CAMK2A: variants seen among roughly 807,000 people sequenced by gnomAD.
CAMK2A encodes the protein calcium/calmodulin dependent protein kinase II alpha, also known as calcium/calmodulin-dependent protein kinase type II subunit alpha.
CAMK2A carries 7 observed loss-of-function variants against 79.2 expected under a neutral mutation model. That is an observed-to-expected ratio of 0.09 (90% confidence interval 0.05 to 0.17). CAMK2A has a LOEUF of 0.17. Ranked by LOEUF, CAMK2A falls within the 10% of genes least tolerant of loss-of-function variation. CAMK2A has a pLI of 1.00. For missense variants in CAMK2A, 214 were observed against 646.4 expected (o/e 0.33, Z 7.25); for synonymous variants, 242 against 251.7 (o/e 0.96, Z 0.36).
At chr5:150,247,965 C>T (rs1755648092) in intron 11 of CAMK2A, 151 bp from the exon 12 acceptor site, 1 of 659,304 alleles carries the variant, frequency 1.5e-6, no homozygotes, top group Admixed American at 2.5e-5. Context: ...CCATTTGTCC[C>T]AACCCCAACC....
At position 150,256,162 on chromosome 5, in the gene CAMK2A, C is replaced by A. The variant is rs1274161520; in HGVS notation, c.411+411G>T. Reference sequence around the variant, plus strand: ...ATCTCATTTCATATCCTCACCAACCCTTTGCAGAGGTTGCTATGGCAACCC... The same window carrying A: ...ATCTCATTTCATATCCTCACCAACCATTTGCAGAGGTTGCTATGGCAACCC... On this transcript the variant is annotated intron_variant, in intron 6 of 18. Transcript: ENST00000671881. The surrounding 1 kb of genome is among the most constrained non-coding windows in gnomAD (Gnocchi z 4.6). 6.6e-6 allele frequency among the ~76,000 whole-genome samples: 1 copy of A among 152,210 alleles called. No individual in the cohort carries two copies. Among genetic ancestry groups the A allele is most frequent in the Non-Finnish European group, 1.5e-5 (1 of 68,044 alleles).
chr5:150,275,035 G>A (rs1562196287), intron 1 of CAMK2A, among the ~76,000 whole-genome samples: 1 of 152,260 alleles, frequency 6.6e-6, no homozygotes, highest in African/African-American at 2.4e-5. Context: ...GGTATCACTG[G>A]CTTCATGTCT....
chr5:150,278,367 T>A (rs1340591325), intron 1 of CAMK2A, among the ~76,000 whole-genome samples: 1 of 150,854 alleles, frequency 6.6e-6, no homozygotes, highest in East Asian at 1.9e-4. Context: ...CTCCCTTTTT[T>A]ATCTTCTGTT....
rs566488519 is a variant in CAMK2A at position 150,265,681 on chromosome 5, C to A, written c.158-666G>T. On this transcript the variant is annotated intron_variant, in intron 2 of 18. Transcript: ENST00000671881. The stretch of plus-strand genomic sequence containing the variant: ...ATGAAGCTGGGCACAGTGGCTCACA[C>A]CTATAATCCCAATACATTGAGAGGC... Among the ~76,000 whole-genome samples the A allele has an allele frequency of 7.2e-5, 11 of 152,244 alleles. No homozygotes were observed. The East Asian group carries it at 2.1e-3, about 29-fold the overall frequency.
At chr5:150,265,111 G>T (rs1414043155) in intron 2 of CAMK2A, 96 bp from the exon 3 acceptor site, 18 of 938,934 alleles carry the variant, frequency 1.9e-5, no homozygotes, top group South Asian at 1.1e-4. Context: ...CCACCTCCCA[G>T]GGCAGCCCCT....
At chr5:150,245,812 C>T (rs1183139499) in intron 12 of CAMK2A, among the ~76,000 whole-genome samples, 1 of 152,228 alleles carries the variant, frequency 6.6e-6, no homozygotes, top group African/African-American at 2.4e-5. Flanking sequence ...TTGGCACTGG[C>T]TATGGCCCGG....
At chr5:150,286,497 TTGCCCTCCTCTCCTGCTGGGC>T (rs1431448957) in intron 1 of CAMK2A, among the ~76,000 whole-genome samples, 2 of 152,218 alleles carry the variant, frequency 1.3e-5, no homozygotes, top group African/African-American at 4.8e-5. Context: ...CCAGAGGGAT[TTGCCCTCCTCTCCTGCTGGGC>T]AGCCCAACGC....
Position 150,222,688 on chromosome 5 carries a change from G to C in CAMK2A, c.*22C>G. The stretch of plus-strand genomic sequence containing the variant: ...GAGTGGATCTCTGCGGCACAGCAAC[G>C]CAGCGACCCCAGCCTGGTCCCTCAG... On this transcript the variant is annotated 3_prime_UTR_variant, in exon 19 of 19. Transcript: ENST00000671881. 6.2e-7 allele frequency: 1 copy of C among 1,613,582 alleles called. No individual in the cohort carries two copies. The highest frequency in any genetic ancestry group is 1.1e-5 in the South Asian group (1 of 91,054).
chr5:150,242,127 G>C (rs561713634), intron 13 of CAMK2A, among the ~76,000 whole-genome samples: 1 of 152,206 alleles, frequency 6.6e-6, no homozygotes. Context: ...CCTCCTCCTA[G>C]AAGTCCAGGC....
Position 150,222,264 on chromosome 5 carries a change from G to A in CAMK2A, c.*446C>T, listed in dbSNP as rs1025123515. On this transcript the variant is annotated 3_prime_UTR_variant, in exon 19 of 19. Transcript: ENST00000671881. ...GCTTAGGGGGAAGGGAGTGTCATCT[G>A]CCCTTCCCCGGGGACACTGGAAGAG... The A allele has an allele frequency of 3.2e-5, 18 of 555,574 alleles. No homozygotes were observed. Among genetic ancestry groups the A allele is most frequent in the Admixed American group, 9.2e-5 (3 of 32,466 alleles). 34.4% of individuals were successfully genotyped at this position (555,574 alleles called of 1,614,324 possible).
Position 150,250,402 on chromosome 5 carries a change from G to T in CAMK2A, c.817-93C>A, listed in dbSNP as rs996628499. 5 of 1,066,472 alleles carry T rather than the reference G, an allele frequency of 4.7e-6. No individual in the cohort carries two copies. In the Admixed American group the frequency reaches 7.1e-5, roughly 15 times the overall value. The allele number at this position is 1,066,472 out of a possible 1,614,324, so 66.1% of individuals were successfully genotyped here. ...CCTTCAGCAGGGCATCTTAATGGAGGTGTGGTTGACATCTTGGGAAGAACG... is the reference window on the plus strand; with the variant it reads ...CCTTCAGCAGGGCATCTTAATGGAGTTGTGGTTGACATCTTGGGAAGAACG... On this transcript the variant is annotated intron_variant, in intron 10 of 18. Transcript: ENST00000671881.
intron 10 of CAMK2A, 59 bp downstream of exon 10, chr5:150,250,629 G>A: frequency 6.2e-7 from 1 of 1,602,330 alleles, no homozygotes; most frequent in Non-Finnish European, 8.5e-7. Flanking sequence ...ACTCTGTGGG[G>A]GCCTGGATCA....
rs1032223197 is a variant in CAMK2A, at chr5:150,221,001, TC to T, written c.*1708del. The T allele has an allele frequency of 6.5e-6, 1 of 152,886 alleles. No homozygotes were observed. Among genetic ancestry groups the T allele is most frequent in the Non-Finnish European group, 1.5e-5 (1 of 68,632 alleles). The allele number at this position is 152,886 out of a possible 1,614,324, so 9.5% of individuals were successfully genotyped here. On this transcript the variant is annotated 3_prime_UTR_variant, in exon 19 of 19. Transcript: ENST00000671881. Reference sequence around the variant, plus strand: ...CAATCCCTGGGGACGTGGCTCTTCCTCCCCTAAAATCCTCCAGAGGGGACAG... The same window carrying T: ...CAATCCCTGGGGACGTGGCTCTTCCTCCCTAAAATCCTCCAGAGGGGACAG...
Position 150,221,517 on chromosome 5 carries a change from C to T in CAMK2A, c.*1193G>A, listed in dbSNP as rs539753446. ...GTTCGGTAGAGAAGACCCCAGTTTG[C>T]GAGGGAAGCAAAGAAAAGTCCAGGT... On this transcript the variant is annotated 3_prime_UTR_variant, in exon 19 of 19. Transcript: ENST00000671881. 1 of 398,668 alleles carries T rather than the reference C, an allele frequency of 2.5e-6. No individual in the cohort carries two copies. The highest frequency in any genetic ancestry group is 4.4e-6 in the Non-Finnish European group (1 of 226,082). 24.7% of individuals were successfully genotyped at this position (398,668 alleles called of 1,614,324 possible).
rs188793408 is a variant in CAMK2A at position 150,271,006 on chromosome 5, T to C, written c.157+2059A>G. The stretch of plus-strand genomic sequence containing the variant: ...GATCCCCAGCATCCAGGGACCACCT[T>C]GGTGCCTGACCCTCTCTCCCACTGG... On this transcript the variant is annotated intron_variant, in intron 2 of 18. Coordinates refer to ENST00000671881, the MANE Select transcript of CAMK2A (RefSeq NM_015981.4). Among the ~76,000 whole-genome samples the C allele has an allele frequency of 2.6e-4, 39 of 152,308 alleles. No homozygotes were observed. In the East Asian group the frequency reaches 7.2e-3, roughly 28 times the overall value.
At chr5:150,224,941 G>A (rs1340275308) in intron 17 of CAMK2A, among the ~76,000 whole-genome samples, 1 of 151,898 alleles carries the variant, frequency 6.6e-6, no homozygotes, top group African/African-American at 2.4e-5. Flanking sequence ...CAGGTGGACT[G>A]CGTGAGCCCA....
At chr5:150,281,467 A>C (rs1213122111) in intron 1 of CAMK2A, among the ~76,000 whole-genome samples, 1 of 152,220 alleles carries the variant, frequency 6.6e-6, no homozygotes, top group African/African-American at 2.4e-5. Flanking sequence ...AGTTTGGGCC[A>C]CATGTGGCTG....
At chr5:150,275,762 C>G (rs1024697516) in intron 1 of CAMK2A, among the ~76,000 whole-genome samples, 3 of 152,216 alleles carry the variant, frequency 2.0e-5, no homozygotes, top group African/African-American at 7.2e-5. Flanking sequence ...ATCTTGAACA[C>G]AGGAACTTTA....
chr5:150,274,615 G>C (rs1650127858), intron 1 of CAMK2A, among the ~76,000 whole-genome samples: 1 of 152,174 alleles, frequency 6.6e-6, no homozygotes, highest in South Asian at 2.1e-4. Context: ...AGAGTCTCCT[G>C]GGCAGGCTTC....
Sources: gnomAD v4.1 joint callset for allele counts (sites outside exome capture counted in the v4.1 genomes callset) on GRCh38, gnomAD v4.1.1 for gene constraint, Gnocchi (gnomAD v3.1) non-coding constraint, MANE v1.5 for transcripts, NCBI Gene and HGNC (gene_info 2026-07-23, HGNC 2026-07-21) for gene names.